The following PDGFRA variants were observed in gnomAD, a reference collection of about 807,000 sequenced individuals.
PDGFRA encodes the protein platelet derived growth factor receptor alpha, also known as platelet-derived growth factor receptor alpha.
Under a neutral mutation model 121.5 loss-of-function variants are expected in PDGFRA, and 25 were observed. That is an observed-to-expected ratio of 0.21 (90% CI 0.15 to 0.29). PDGFRA has a LOEUF of 0.29. Ranked by LOEUF, PDGFRA falls within the 10% of genes least tolerant of loss-of-function variation. The pLI is 1.00. For missense variants in PDGFRA, 1,008 were observed against 1,345.1 expected (o/e 0.75, Z 3.92); for synonymous variants, 463 against 494.8 (o/e 0.94, Z 0.85).
chr4:54,285,324 T>C (rs761437433), intron 16 of PDGFRA, 47 bp from the exon 17 acceptor site: 2 of 819,156 alleles, frequency 2.4e-6, no homozygotes, highest in Non-Finnish European at 2.2e-6. Flanking sequence ...AACCTGATGA[T>C]TTCCTGCTGC....
At chr4:54,234,090 T>G (rs548252158) in intron 1 of PDGFRA, among the ~76,000 whole-genome samples, 1 of 152,304 alleles carries the variant, frequency 6.6e-6, no homozygotes, top group Admixed American at 6.5e-5. Flanking sequence ...CTCTGCGGCC[T>G]AGCCCAGCAG....
chr4:54,240,260 C>T (rs1351746147), intron 1 of PDGFRA: 2 of 175,038 alleles, frequency 1.1e-5, no homozygotes, highest in Non-Finnish European at 2.6e-5. Flanking sequence ...CTGTTTAAGG[C>T]AAGACACTTG....
In PDGFRA at chr4:54,295,475, A is replaced by G. The variant is rs540198054; in HGVS notation, c.*203A>G. On this transcript the variant is annotated 3_prime_UTR_variant, in exon 23 of 23. Coordinates refer to ENST00000257290, the MANE Select transcript of PDGFRA (RefSeq NM_006206.6). ...AACTTTGTCAGTGTTGCCTCTTGCA[A>G]TGCCTCAGTAGCATCTCAGTGGTGT... is the stretch of plus-strand genomic sequence containing the variant. The G allele has an allele frequency of 1.9e-5, 11 of 582,630 alleles. No individual in the cohort carries two copies. Among genetic ancestry groups the G allele is most frequent in the East Asian group, 5.8e-5 (2 of 34,560 alleles). 36.1% of individuals were successfully genotyped at this position (582,630 alleles called of 1,614,324 possible). A position where few individuals can be genotyped will look rare whatever the true frequency, so the allele number is the denominator to read the frequency against.
chr4:54,247,029 AT>A (rs1721718763), intron 1 of PDGFRA, among the ~76,000 whole-genome samples: 1 of 152,222 alleles, frequency 6.6e-6, no homozygotes, highest in African/African-American at 2.4e-5. Flanking sequence ...GAAGAAGTTG[AT>A]TCTCTGAATA....
intron 21 of PDGFRA, among the ~76,000 whole-genome samples, chr4:54,289,380 T>C (rs1724518012): frequency 6.6e-6 from 1 of 152,162 alleles, no homozygotes; most frequent in Non-Finnish European, 1.5e-5. Flanking sequence ...CAGAAGTTAG[T>C]GTGCAGTTAG....
rs112117596 is a variant in PDGFRA at position 54,263,719 on chromosome 4, G to A, written c.420G>A (p.Val140=). Residue 140 remains valine, a synonymous_variant, in exon 4 of 23, where the codon GTG becomes GTA. Coordinates refer to ENST00000257290, the MANE Select transcript of PDGFRA (RefSeq NM_006206.6). ...GAATGACGGATTATTTAGTCATCGT[G>A]GAGGATGATGATTCTGCCATTATAC... ...PLGMTDYLVI[V]EDDDSAIIPC... 91 of 1,613,598 alleles carry A rather than the reference G, an allele frequency of 5.6e-5. 1 individual carries two copies. The African/African-American group carries it at 8.7e-4, about 15-fold the overall frequency.
Position 54,250,682 on chromosome 4 carries a change from C to T in PDGFRA, c.-12-8075C>T, listed in dbSNP as rs543695373. On this transcript the variant is annotated intron_variant, in intron 1 of 22. Transcript: ENST00000257290. ...ACTTTTGTCACCCACAGACAATTGT[C>T]TTGTTTTAATCCTTTTCAAAAGGTG... 1.1e-4 allele frequency among the ~76,000 whole-genome samples: 16 copies of T among 152,282 alleles called. No homozygotes were observed. In the East Asian group the frequency reaches 3.1e-3, roughly 29 times the overall value.
Position 54,288,851 on chromosome 4 carries a change from C to A in PDGFRA, c.2727C>A (p.Ile909=), listed in dbSNP as rs748667343. The A allele has an allele frequency of 2.5e-6, 4 of 1,613,518 alleles. No homozygotes were observed. Among genetic ancestry groups the A allele is most frequent in the South Asian group, 2.2e-5 (2 of 91,074 alleles). Residue 909 remains isoleucine, a synonymous_variant, in exon 20 of 23, where the codon ATC becomes ATA. Transcript: ENST00000257290. ...TGGATTCTACTTTCTACAATAAGAT[C>A]AAGAGTGGGTACCGGATGGCCAAGC... is the stretch of plus-strand genomic sequence containing the variant. ...MMVDSTFYNK[I]KSGYRMAKPD... is the part of the protein sequence containing the mutation.
chr4:54,241,453 G>A (rs368094976), intron 1 of PDGFRA, among the ~76,000 whole-genome samples: 26 of 152,122 alleles, frequency 1.7e-4, no homozygotes, highest in Middle Eastern at 3.4e-3. Context: ...TGTAAGTCAC[G>A]ATAAAGTTTA....
intron 1 of PDGFRA, among the ~76,000 whole-genome samples, chr4:54,249,838 T>C (rs920282434): frequency 6.6e-6 from 1 of 152,052 alleles, no homozygotes; most frequent in Non-Finnish European, 1.5e-5. Flanking sequence ...ATATTATTAT[T>C]ATTATTTTTG....
At chr4:54,275,664 C>T (rs1577727796) in intron 12 of PDGFRA, among the ~76,000 whole-genome samples, 1 of 152,306 alleles carries the variant, frequency 6.6e-6, no homozygotes, top group South Asian at 2.1e-4. Flanking sequence ...TTTTAATTAT[C>T]CACCGGTCTC....
intron 7 of PDGFRA, among the ~76,000 whole-genome samples, chr4:54,268,270 C>T (rs1277448289): frequency 6.6e-6 from 1 of 152,168 alleles, no homozygotes; most frequent in African/African-American, 2.4e-5. Context: ...ACCTTTTAAT[C>T]AGAATGGTAG....
At position 54,265,032 on chromosome 4, in the gene PDGFRA, A is replaced by G; in HGVS notation, c.742A>G (p.Thr248Ala). Residue 248 changes from threonine to alanine, a missense_variant, in exon 5 of 23, where the codon ACT becomes GCT. Physicochemically the swap from Thr to Ala is moderately conservative, Grantham distance 58 (BLOSUM62 0). This residue lies in a region of PDGFRA where 575 missense variants were observed against 701.8 expected (regional missense o/e 0.82). Transcript: ENST00000257290. ...CAATGAGGTGGTTGACCTTCAATGG[A>G]CTTACCCTGGAGAAGTGGTAGGTAC... ...FNNEVVDLQWTYPGEVKGKGI... is the reference protein window; with the variant it reads ...FNNEVVDLQWAYPGEVKGKGI... 6.2e-7 allele frequency: 1 copy of G among 1,613,722 alleles called. No individual in the cohort carries two copies. The highest frequency in any genetic ancestry group is 8.5e-7 in the Non-Finnish European group (1 of 1,179,758).
chr4:54,277,521 A>G, intron 13 of PDGFRA, 29 bp downstream of exon 13: 2 of 1,468,350 alleles, frequency 1.4e-6, no homozygotes, highest in South Asian at 2.3e-5. Context: ...GGATTTTTTG[A>G]GCACGGGGAT....
At chr4:54,264,216 T>G (rs1722911865) in intron 4 of PDGFRA, 1 of 507,980 alleles carries the variant, frequency 2.0e-6, no homozygotes, top group Admixed American at 3.6e-5. Flanking sequence ...TTCACATTCC[T>G]GACTATGGCG....
chr4:54,275,658 A>G (rs1316874521), intron 12 of PDGFRA, among the ~76,000 whole-genome samples: 2 of 152,236 alleles, frequency 1.3e-5, no homozygotes, highest in African/African-American at 4.8e-5. Context: ...TGCAGGTTTT[A>G]ATTATCCACC....
chr4:54,268,248 G>T (rs1723150023), intron 7 of PDGFRA, among the ~76,000 whole-genome samples: 1 of 152,186 alleles, frequency 6.6e-6, no homozygotes, highest in African/African-American at 2.4e-5. Context: ...GCAGTGAGTT[G>T]CTTGGATCCC....
At chr4:54,243,795 G>C (rs562797150) in intron 1 of PDGFRA, 1 of 152,558 alleles carries the variant, frequency 6.6e-6, no homozygotes, top group East Asian at 1.9e-4. Context: ...AGGAGTCAGG[G>C]AGTTCCCTTT....
At chr4:54,248,103 G>A (rs1342595756) in intron 1 of PDGFRA, among the ~76,000 whole-genome samples, 2 of 152,320 alleles carry the variant, frequency 1.3e-5, no homozygotes, top group African/African-American at 4.8e-5. Flanking sequence ...ATGCTCATGT[G>A]TAGGAAGAAT....
Sources: gnomAD v4.1 joint callset for allele counts (sites outside exome capture counted in the v4.1 genomes callset) on GRCh38, gnomAD v4.1.1 for gene constraint, gnomAD v4.1.1 regional missense constraint, MANE v1.5 for transcripts, NCBI Gene and HGNC (gene_info 2026-07-23, HGNC 2026-07-21) for gene names.